The following STIL variants were observed in gnomAD, a reference collection of about 807,000 sequenced individuals.
STIL encodes the protein STIL centriolar assembly protein, also known as SCL-interrupting locus protein.
STIL carries 55 observed loss-of-function variants against 110.1 expected under a neutral mutation model. That is an observed-to-expected ratio of 0.50 (90% CI 0.40 to 0.63). STIL has a LOEUF of 0.63. Ranked by LOEUF, STIL falls within the 20% of genes least tolerant of loss-of-function variation. The pLI, the probability that STIL is intolerant of heterozygous loss-of-function variation, is 0.00. For missense variants in STIL, 1,358 were observed against 1,530.0 expected, an observed-to-expected ratio of 0.89 and a Z score of 1.87; for synonymous variants, 481 against 530.0, an observed-to-expected ratio of 0.91 and a Z score of 1.27.
At chr1:47,284,224 A>G (rs1645229461) in intron 10 of STIL, among the ~76,000 whole-genome samples, 1 of 152,136 alleles carries the variant, frequency 6.6e-6, no homozygotes, top group African/African-American at 2.4e-5. Flanking sequence ...TTAGTACCCA[A>G]GGGAAAAAAG....
At chr1:47,305,116 A>G in intron 2 of STIL, 120 bp from the exon 3 acceptor site, 3 of 736,068 alleles carry the variant, frequency 4.1e-6, no homozygotes, top group Non-Finnish European at 4.7e-6. Context: ...TGTAATTTTC[A>G]AAGAGTTTAT....
In STIL at chr1:47,251,517, A is replaced by G. The variant is rs2758735; in HGVS notation, c.3486T>C (p.Pro1162=). The G allele has an allele frequency of 0.5, 805,928 of 1,613,978 alleles. 207,731 individuals are homozygous for G. Among genetic ancestry groups the G allele is most frequent in the South Asian group, 0.54 (48,948 of 91,066 alleles). The change falls in exon 17 of 17, where the codon CCT becomes CCC. Residue 1162 remains proline, a synonymous_variant. Transcript: ENST00000371877. ...YLLNQNLRSI[P]EQLGGQKEPS... is the part of the protein sequence containing the mutation. ...GCTCTTTCTGACCACCAAGCTGTTC[A>G]GGTATGGACCTAAGGTTCTGATTCA...
chr1:47,294,864 G>A (rs115232197), intron 7 of STIL, among the ~76,000 whole-genome samples: 2,461 of 152,266 alleles, frequency 0.016, 75 homozygotes, highest in African/African-American at 0.056. Flanking sequence ...GGTAGTGAGA[G>A]AATACTGAAG....
chr1:47,273,998 A>G (rs573846847), intron 12 of STIL, among the ~76,000 whole-genome samples: 6 of 152,304 alleles, frequency 3.9e-5, no homozygotes, highest in South Asian at 2.1e-4. Context: ...ATGAGCTTCA[A>G]TATCACCTAA....
chr1:47,301,795 CAT>C (rs1261273027), intron 4 of STIL, 47 bp from the exon 5 acceptor site: 2 of 1,580,752 alleles, frequency 1.3e-6, no homozygotes, highest in East Asian at 2.2e-5. Context: ...TAATTAAAAA[CAT>C]AAAATCAACC....
chr1:47,285,593 G>A (rs1306857590), intron 10 of STIL, among the ~76,000 whole-genome samples: 1 of 151,980 alleles, frequency 6.6e-6, no homozygotes, highest in Non-Finnish European at 1.5e-5. Flanking sequence ...GAGTAGCTGG[G>A]ATTACAGGCA....
intron 14 of STIL, among the ~76,000 whole-genome samples, chr1:47,264,522 A>T (rs1349262937): frequency 6.6e-6 from 1 of 152,210 alleles, no homozygotes; most frequent in African/African-American, 2.4e-5. Context: ...AGTCTCTATA[A>T]ATACTACATA....
chr1:47,293,316 A>G, intron 8 of STIL, 142 bp downstream of exon 8: 4 of 631,330 alleles, frequency 6.3e-6, no homozygotes, highest in Non-Finnish European at 1.1e-5. Context: ...CATTTAATAT[A>G]AGGTTTGTTT....
intron 13 of STIL, among the ~76,000 whole-genome samples, chr1:47,270,227 CAAAAAA>C (rs34842407): frequency 4.6e-5 from 4 of 87,254 alleles, no homozygotes; most frequent in African/African-American, 2.1e-4. Context: ...AACTCTGGCT[CAAAAAA>C]AAAAAAAAAT....
chr1:47,310,461 TATATG>T (rs1646090788), intron 1 of STIL, 99 bp from the exon 2 acceptor site: 1 of 703,136 alleles, frequency 1.4e-6, no homozygotes, highest in South Asian at 1.7e-5. Context: ...TTAGATTACT[TATATG>T]AAGTGTGACT....
intron 6 of STIL, among the ~76,000 whole-genome samples, chr1:47,298,164 G>C (rs189469848): frequency 2.0e-5 from 3 of 152,288 alleles, no homozygotes; most frequent in African/African-American, 2.4e-5. Context: ...ATAAGACTTG[G>C]AATTGAGTGT....
rs1277764959 is a variant in STIL at position 47,270,249 on chromosome 1, T to TAC, written c.2384-384_2384-383insGT. Among the ~76,000 whole-genome samples the TAC allele has an allele frequency of 3.6e-3, 271 of 75,214 alleles. 1 individual carries two copies. The highest frequency in any genetic ancestry group is 0.02 in the South Asian group (53 of 2,648). 49.3% of individuals were successfully genotyped at this position (75,214 alleles called of 152,430 possible). ...GCTCAAAAAAAAAAAAAAATATATA[T>TAC]ATATATACACACACACACACACACA... On this transcript the variant is annotated intron_variant, in intron 13 of 16. Coordinates refer to ENST00000371877, the MANE Select transcript of STIL (RefSeq NM_001048166.1).
chr1:47,288,995 G>C (rs1361719031), intron 9 of STIL, among the ~76,000 whole-genome samples: 6 of 146,440 alleles, frequency 4.1e-5, no homozygotes, highest in African/African-American at 1.5e-4. Flanking sequence ...CTGGGAGGCA[G>C]AGGTTGCAGT....
At chr1:47,290,177 C>A (rs1420095582) in intron 8 of STIL, among the ~76,000 whole-genome samples, 1 of 152,004 alleles carries the variant, frequency 6.6e-6, no homozygotes, top group African/African-American at 2.4e-5. Context: ...GAAGAAAATA[C>A]AAGTGATTTT....
intron 2 of STIL, 42 bp downstream of exon 2, chr1:47,310,234 T>A (rs756544512): frequency 6.3e-7 from 1 of 1,587,922 alleles, no homozygotes. Context: ...CCAAGTTATG[T>A]GAAAAGCTGT....
chr1:47,279,387 A>T (rs947535777), intron 12 of STIL, among the ~76,000 whole-genome samples: 2 of 151,958 alleles, frequency 1.3e-5, no homozygotes, highest in East Asian at 3.8e-4. Context: ...GGTTGTTCCC[A>T]TTGGTGCTGG....
intron 2 of STIL, among the ~76,000 whole-genome samples, chr1:47,307,789 A>G (rs1379695641): frequency 6.6e-6 from 1 of 152,212 alleles, no homozygotes; most frequent in Non-Finnish European, 1.5e-5. Flanking sequence ...GAGAAATATC[A>G]CTGAATTCTT....
chr1:47,253,454 A>C (rs1002582554), intron 16 of STIL, among the ~76,000 whole-genome samples: 4 of 152,188 alleles, frequency 2.6e-5, no homozygotes, highest in Admixed American at 2.6e-4. Flanking sequence ...GGACACACAT[A>C]GTAGGCACTC....
In STIL at chr1:47,251,287, G is replaced by A. The variant is rs1161745149; in HGVS notation, c.3716C>T (p.Thr1239Ile). 6 of 1,613,522 alleles carry A rather than the reference G, an allele frequency of 3.7e-6. No homozygotes were observed. The highest frequency in any genetic ancestry group is 2.2e-5 in the East Asian group (1 of 44,878). ...VNLRTGKAEF[T>I]QHPEKENEGD... Reference sequence around the variant, plus strand: ...TTCATTTTCTTTCTCAGGATGTTGAGTGAACTCTGCTTTCCCGGTTCGAAG... The same window carrying A: ...TTCATTTTCTTTCTCAGGATGTTGAATGAACTCTGCTTTCCCGGTTCGAAG... Residue 1239 changes from threonine (T) to isoleucine (I), a missense_variant, in exon 17 of 17, where the codon ACT becomes ATT. By Grantham distance (89) the Thr-to-Ile change is moderately conservative. Coordinates refer to ENST00000371877, the MANE Select transcript of STIL (RefSeq NM_001048166.1).
Sources: gnomAD v4.1 joint callset for allele counts (sites outside exome capture counted in the v4.1 genomes callset) on GRCh38, gnomAD v4.1.1 for gene constraint, MANE v1.5 for transcripts, NCBI Gene and HGNC (gene_info 2026-07-23, HGNC 2026-07-21) for gene names.